EIPR1: variants seen among roughly 807,000 people sequenced by gnomAD.
EIPR1 encodes EARP and GARP complex-interacting protein 1.
In EIPR1, 25 loss-of-function variants were observed where a neutral mutation model predicts 48.1. That is an observed-to-expected ratio of 0.52 (90% confidence interval 0.38 to 0.73). The LOEUF is 0.73. EIPR1 is among the 30% of genes least tolerant of loss of function. The pLI, the probability that EIPR1 is intolerant of heterozygous loss-of-function variation, is 0.00. For missense variants in EIPR1, 415 were observed against 506.2 expected, an observed-to-expected ratio of 0.82 and a Z score of 1.73; for synonymous variants, 204 against 201.9, an observed-to-expected ratio of 1.01 and a Z score of -0.09.
chr2:3,339,455 T>C (rs1382955293), intron 2 of EIPR1, among the ~76,000 whole-genome samples: 1 of 152,228 alleles, frequency 6.6e-6, no homozygotes, highest in Non-Finnish European at 1.5e-5. Flanking sequence ...TATTTCCAAC[T>C]GCTCCTCTCA....
At chr2:3,329,826 G>A (rs1468447622) in intron 3 of EIPR1, among the ~76,000 whole-genome samples, 2 of 151,804 alleles carry the variant, frequency 1.3e-5, no homozygotes, top group African/African-American at 4.8e-5. Flanking sequence ...TGCCAGCCTG[G>A]GCTCCCCCAG....
intron 2 of EIPR1, among the ~76,000 whole-genome samples, chr2:3,345,744 G>A (rs2103362555): frequency 6.6e-6 from 1 of 152,214 alleles, no homozygotes; most frequent in African/African-American, 2.4e-5. Context: ...ACAGTGGGAG[G>A]TGGCACCGTG....
chr2:3,300,465 C>T (rs1013745444), intron 3 of EIPR1, among the ~76,000 whole-genome samples: 1 of 152,138 alleles, frequency 6.6e-6, no homozygotes, highest in Admixed American at 6.6e-5. Context: ...TTCATCATTG[C>T]TCCCTAAAAA....
chr2:3,271,072 C>G (rs924541085), intron 3 of EIPR1, among the ~76,000 whole-genome samples: 1 of 152,196 alleles, frequency 6.6e-6, no homozygotes, highest in Non-Finnish European at 1.5e-5. Context: ...AAACCACTTG[C>G]TTTGCTCATC....
intron 5 of EIPR1, among the ~76,000 whole-genome samples, chr2:3,198,050 G>A (rs1454226960): frequency 1.3e-5 from 2 of 152,234 alleles, no homozygotes; most frequent in African/African-American, 4.8e-5. Flanking sequence ...GGCTCGGGGT[G>A]AACAAGTCCC....
intron 3 of EIPR1, among the ~76,000 whole-genome samples, chr2:3,297,587 G>A (rs1001771749): frequency 1.3e-5 from 2 of 152,210 alleles, no homozygotes; most frequent in Non-Finnish European, 2.9e-5. Context: ...TCCAAGGGAC[G>A]GCAAACTTTT....
At chr2:3,349,355 C>G (rs999862008) in intron 2 of EIPR1, among the ~76,000 whole-genome samples, 2 of 152,266 alleles carry the variant, frequency 1.3e-5, no homozygotes, top group Non-Finnish European at 2.9e-5. Context: ...ACCTCCCCGA[C>G]TCCACAAGCC....
intron 3 of EIPR1, among the ~76,000 whole-genome samples, chr2:3,296,703 G>C (rs1423953643): frequency 2.1e-5 from 2 of 97,452 alleles, no homozygotes; most frequent in Middle Eastern, 0.01. Flanking sequence ...TCTGCCTACA[G>C]AATCCATCCA....
At chr2:3,334,343 T>C (rs1019770782) in intron 3 of EIPR1, among the ~76,000 whole-genome samples, 5 of 152,256 alleles carry the variant, frequency 3.3e-5, no homozygotes, top group African/African-American at 1.2e-4. Context: ...TTAATTCATA[T>C]ATGATTCATG....
chr2:3,276,339 C>G (rs1667848396), intron 3 of EIPR1, among the ~76,000 whole-genome samples: 1 of 152,180 alleles, frequency 6.6e-6, no homozygotes, highest in African/African-American at 2.4e-5. Context: ...GATGTGGGAG[C>G]CCATGCTGAA....
chr2:3,322,480 A>G (rs532779564), intron 3 of EIPR1, among the ~76,000 whole-genome samples: 1 of 152,366 alleles, frequency 6.6e-6, no homozygotes, highest in South Asian at 2.1e-4. Context: ...TTTCTTGCAG[A>G]TGACAAAAAT....
intron 3 of EIPR1, chr2:3,300,732 T>C (rs1316046251): frequency 2.0e-5 from 3 of 152,226 alleles, no homozygotes; most frequent in South Asian, 2.1e-4. Context: ...GAAGTCCCGA[T>C]GTCCCAATCA....
chr2:3,205,670 C>T (rs1220083943), intron 5 of EIPR1, among the ~76,000 whole-genome samples: 1 of 152,222 alleles, frequency 6.6e-6, no homozygotes, highest in Non-Finnish European at 1.5e-5. Context: ...CCTATGGAAA[C>T]TTCCCTTCCC....
At chr2:3,260,106 A>G (rs946940194) in intron 3 of EIPR1, among the ~76,000 whole-genome samples, 4 of 152,244 alleles carry the variant, frequency 2.6e-5, no homozygotes, top group Non-Finnish European at 4.4e-5. Context: ...ACTTCTATTC[A>G]CCAAAAGACC....
intron 5 of EIPR1, among the ~76,000 whole-genome samples, chr2:3,199,928 GGT>G (rs1246309050): frequency 9.8e-6 from 1 of 101,738 alleles, no homozygotes; most frequent in Non-Finnish European, 2.0e-5. Context: ...CACATGGGGG[GGT>G]GTCCACATCT....
intron 1 of EIPR1, among the ~76,000 whole-genome samples, chr2:3,359,850 A>G (rs1043642006): frequency 2.0e-5 from 3 of 152,198 alleles, no homozygotes; most frequent in African/African-American, 4.8e-5. Context: ...TCATAATTCA[A>G]TGAAGTGCAC....
At chr2:3,233,308 A>C (rs914535623) in intron 4 of EIPR1, among the ~76,000 whole-genome samples, 1 of 152,182 alleles carries the variant, frequency 6.6e-6, no homozygotes, top group Non-Finnish European at 1.5e-5. Context: ...GTGAATTTCC[A>C]TAATTTTTTA....
chr2:3,358,828 C>A (rs1235264391), intron 1 of EIPR1, among the ~76,000 whole-genome samples: 5 of 152,286 alleles, frequency 3.3e-5, no homozygotes, highest in Non-Finnish European at 5.9e-5. Context: ...CACCTTCAGA[C>A]AAGAACCCCA....
chr2:3,316,509 G>A (rs1198827248), intron 3 of EIPR1, among the ~76,000 whole-genome samples: 1 of 152,138 alleles, frequency 6.6e-6, no homozygotes, highest in Non-Finnish European at 1.5e-5. Context: ...TCCACAGGCA[G>A]CCATTATACC....
Sources: gnomAD v4.1 joint callset for allele counts (sites outside exome capture counted in the v4.1 genomes callset) on GRCh38, gnomAD v4.1.1 for gene constraint, MANE v1.5 for transcripts, NCBI Gene and HGNC (gene_info 2026-07-23, HGNC 2026-07-21) for gene names.